Variants in EPHB3 observed in about 807,000 individuals in gnomAD.
EPHB3 encodes ephrin type-B receptor 3.
EPHB3 carries 33 observed loss-of-function variants against 100.2 expected under a neutral mutation model. That is an observed-to-expected ratio of 0.33 (90% CI 0.25 to 0.44). The LOEUF (loss-of-function observed/expected upper bound fraction) is 0.44, where lower values mean the gene tolerates loss of function less well. EPHB3 is among the 20% of genes least tolerant of loss of function. EPHB3 has a pLI of 1.00. For missense variants in EPHB3, 1,045 were observed against 1,378.3 expected, an observed-to-expected ratio of 0.76 and a Z score of 3.83; for synonymous variants, 526 against 554.7, an observed-to-expected ratio of 0.95 and a Z score of 0.73.
At chr3:184,568,599 C>CT (rs1404738884) in intron 1 of EPHB3, among the ~76,000 whole-genome samples, 2 of 150,826 alleles carry the variant, frequency 1.3e-5, no homozygotes, top group African/African-American at 4.9e-5. Flanking sequence ...ATGACCCCCC[C>CT]CCCACATCCC....
intron 1 of EPHB3, among the ~76,000 whole-genome samples, chr3:184,567,678 G>A (rs755433926): frequency 6.6e-5 from 10 of 152,278 alleles, no homozygotes; most frequent in Middle Eastern, 3.4e-3. Flanking sequence ...AAAGCATGTC[G>A]CCAAGTCTAT....
intron 1 of EPHB3, among the ~76,000 whole-genome samples, chr3:184,570,335 C>T (rs1714508422): frequency 6.6e-6 from 1 of 152,232 alleles, no homozygotes; most frequent in South Asian, 2.1e-4. Context: ...GTCAGATACA[C>T]CTGAACCTGA....
At position 184,575,870 on chromosome 3, in the gene EPHB3, G is replaced by T. The variant is rs1405953790; in HGVS notation, c.897G>T (p.Gly299=). 1 of 1,612,880 alleles carries T rather than the reference G, an allele frequency of 6.2e-7. No homozygotes were observed. The highest frequency in any genetic ancestry group is 1.1e-5 in the South Asian group (1 of 90,926). ...PGSYKAKQGE[G]PCLPCPPNSR... is the part of the protein sequence containing the mutation. ...GCTACAAGGCGAAGCAGGGAGAGGGGCCCTGCCTCCCATGTCCCCCCAACA... is the reference window on the plus strand; with the variant it reads ...GCTACAAGGCGAAGCAGGGAGAGGGTCCCTGCCTCCCATGTCCCCCCAACA... The change falls in exon 4 of 16, where the codon GGG becomes GGT. Residue 299 remains glycine (G), a synonymous_variant. Coordinates refer to ENST00000330394, the MANE Select transcript of EPHB3 (RefSeq NM_004443.4).
chr3:184,570,293 T>C (rs1203206746), intron 1 of EPHB3, among the ~76,000 whole-genome samples: 1 of 152,204 alleles, frequency 6.6e-6, no homozygotes, highest in African/African-American at 2.4e-5. Context: ...GAGGGGCATA[T>C]TGCAGTCAGA....
At chr3:184,566,271 A>C (rs4543001) in intron 1 of EPHB3, among the ~76,000 whole-genome samples, 1 of 152,104 alleles carries the variant, frequency 6.6e-6, no homozygotes, top group Non-Finnish European at 1.5e-5. Flanking sequence ...ATGGATGAGC[A>C]CCGAGGCGTT....
Position 184,573,261 on chromosome 3 carries a change from C to T in EPHB3, c.856+85C>T. ...CCGCCCCGCCCCCCACCCCTGCTTG[C>T]TATCTGACTAGGAGGTCTGGGAGCA... On this transcript the variant is annotated intron_variant, in intron 3 of 15. Coordinates refer to ENST00000330394, the MANE Select transcript of EPHB3 (RefSeq NM_004443.4). The surrounding 1 kb of genome is among the most constrained non-coding windows in gnomAD (Gnocchi z 4.5). 6.5e-7 allele frequency: 1 copy of T among 1,539,102 alleles called. No individual in the cohort carries two copies. The highest frequency in any genetic ancestry group is 8.8e-7 in the Non-Finnish European group (1 of 1,140,050).
In EPHB3 at chr3:184,572,756, TC is replaced by T. The variant is rs753303163; in HGVS notation, c.441del (p.Phe148SerfsTer8). On this transcript the variant is annotated frameshift_variant, in exon 3 of 16. Coordinates refer to ENST00000330394, the MANE Select transcript of EPHB3 (RefSeq NM_004443.4). LOFTEE classifies it high-confidence loss of function. The surrounding 1 kb of genome is among the most constrained non-coding windows in gnomAD (Gnocchi z 6.6). ...TGACAGCGATGTGGCCTCAGCCTCC[TC>T]CCCCTTCTGGATGGAGAACCCCTAC... ...EADSDVASAS[S>X]PFWMENPYVK... The T allele has an allele frequency of 6.2e-7, 1 of 1,611,914 alleles. No homozygotes were observed. Among genetic ancestry groups the T allele is most frequent in the Non-Finnish European group, 8.5e-7 (1 of 1,179,414 alleles).
Position 184,579,476 on chromosome 3 carries a change from G to T in EPHB3, c.1802-1G>T. 1 of 1,613,140 alleles carries T rather than the reference G, an allele frequency of 6.2e-7. No homozygotes were observed. Among genetic ancestry groups the T allele is most frequent in the Non-Finnish European group, 8.5e-7 (1 of 1,179,218 alleles). ...CTCACGCCCACCTCTTCTCCCTCCA[G>T]TTGCTCCTGGAATGAAGGTTTATAT... is the stretch of plus-strand genomic sequence containing the variant. On this transcript the variant is annotated splice_acceptor_variant, in intron 9 of 15. Transcript: ENST00000330394. LOFTEE classifies it high-confidence loss of function. This position sits in a 1 kb window ranked among gnomAD's most constrained non-coding sequence, Gnocchi z 5.2.
Position 184,573,176 on chromosome 3 carries a change from C to G in EPHB3, c.856C>G (p.Pro286Ala). 1.9e-6 allele frequency: 3 copies of G among 1,611,302 alleles called. No individual in the cohort carries two copies. Among genetic ancestry groups the G allele is most frequent in the African/African-American group, 2.7e-5 (2 of 75,062 alleles). The part of the protein sequence containing the change: ...EPAAKESQCR[P>A]CPPGSYKAKQ... Reference sequence around the variant, plus strand: ...AGCTGCCAAGGAGTCCCAGTGCCGCCGTGAGTGGGGACTGTCCTGGGGAAA... The same window carrying G: ...AGCTGCCAAGGAGTCCCAGTGCCGCGGTGAGTGGGGACTGTCCTGGGGAAA... The change falls in exon 3 of 16, where the codon CCC becomes GCC. Residue 286 changes from proline (P) to alanine (A), a missense_variant and splice_region_variant. By Grantham distance (27) the Pro-to-Ala change is conservative (BLOSUM62 -1). Transcript: ENST00000330394. The surrounding 1 kb of genome is among the most constrained non-coding windows in gnomAD (Gnocchi z 4.5).
At position 184,562,333 on chromosome 3, in the gene EPHB3, C is replaced by T; in HGVS notation, c.98C>T (p.Ala33Val). The T allele has an allele frequency of 8.0e-7, 1 of 1,242,366 alleles. No individual in the cohort carries two copies. Among genetic ancestry groups the T allele is most frequent in the Non-Finnish European group, 1.0e-6 (1 of 993,938 alleles). The allele number at this position is 1,242,366 out of a possible 1,614,324, so 77.0% of individuals were successfully genotyped here. A position where few individuals can be genotyped will look rare whatever the true frequency, so the allele number is the denominator to read the frequency against. ...LLLLPLLLLP[A>V]GCRALEETLM... ...CTGCTGCCGCTGCTGCTGCTGCCCG[C>T]CGGCTGCCGGGCGCTGGAAGGTGAG... The change falls in exon 1 of 16, where the codon GCC (alanine) becomes GTC (valine). Residue 33 changes from alanine (A) to valine (V), a missense_variant. Coordinates refer to ENST00000330394, the MANE Select transcript of EPHB3 (RefSeq NM_004443.4). This position sits in a 1 kb window ranked among gnomAD's most constrained non-coding sequence, Gnocchi z 4.8.
intron 4 of EPHB3, 55 bp downstream of exon 4, chr3:184,576,040 A>G: frequency 6.5e-7 from 1 of 1,535,818 alleles, no homozygotes; most frequent in Non-Finnish European, 8.8e-7. Context: ...CTGGGGGGCC[A>G]GCCTGGGAAG....
At position 184,565,278 on chromosome 3, in the gene EPHB3, A is replaced by AG. The variant is rs1714357765; in HGVS notation, c.118+2925_118+2926insG. Among the ~76,000 whole-genome samples, 1 of 152,012 alleles carries AG rather than the reference A, an allele frequency of 6.6e-6. No homozygotes were observed. Among genetic ancestry groups the AG allele is most frequent in the African/African-American group, 2.4e-5 (1 of 41,378 alleles). ...GGGAAACAGGGCCACCTTGTCACCCACTGGTCTTTTGAGTAATGTTCCCCA... is the reference window on the plus strand; with the variant it reads ...GGGAAACAGGGCCACCTTGTCACCCAGCTGGTCTTTTGAGTAATGTTCCCCA... On this transcript the variant is annotated intron_variant, in intron 1 of 15. Coordinates refer to ENST00000330394, the MANE Select transcript of EPHB3 (RefSeq NM_004443.4). This position sits in a 1 kb window ranked among gnomAD's most constrained non-coding sequence, Gnocchi z 4.8.
At position 184,578,283 on chromosome 3, in the gene EPHB3, A is replaced by G; in HGVS notation, c.1749-131A>G. On this transcript the variant is annotated intron_variant, in intron 8 of 15. Transcript: ENST00000330394. The surrounding 1 kb of genome is among the most constrained non-coding windows in gnomAD (Gnocchi z 4.7). ...CAGACACCCAGAGACTGCTGTGACC[A>G]CCAATTGTGGGACTAGGCCCCAGGC... The G allele has an allele frequency of 7.4e-7, 1 of 1,344,636 alleles. No homozygotes were observed. Among genetic ancestry groups the G allele is most frequent in the African/African-American group, 1.4e-5 (1 of 69,694 alleles). The allele number at this position is 1,344,636 out of a possible 1,614,324, so 83.3% of individuals were successfully genotyped here. A position where few individuals can be genotyped will look rare whatever the true frequency, so the allele number is the denominator to read the frequency against.
In EPHB3 at chr3:184,579,953, G is replaced by A; in HGVS notation, c.2172+19G>A. On this transcript the variant is annotated intron_variant, in intron 11 of 15. Transcript: ENST00000330394. The surrounding 1 kb of genome is among the most constrained non-coding windows in gnomAD (Gnocchi z 5.2). Reference sequence around the variant, plus strand: ...CCTCCGGGTAAGAGCCAGCCCCCAGGCCCTCTCCCTCCCCCAGAGAGTTGG... The same window carrying A: ...CCTCCGGGTAAGAGCCAGCCCCCAGACCCTCTCCCTCCCCCAGAGAGTTGG... The A allele has an allele frequency of 6.2e-7, 1 of 1,606,910 alleles. No individual in the cohort carries two copies. The highest frequency in any genetic ancestry group is 8.5e-7 in the Non-Finnish European group (1 of 1,176,604).
intron 1 of EPHB3, among the ~76,000 whole-genome samples, chr3:184,568,587 C>A: frequency 6.9e-6 from 1 of 144,284 alleles, no homozygotes. Context: ...CAGATGGGTT[C>A]TATGACCCCC....
chr3:184,581,891 G>A lies in EPHB3; in HGVS notation c.*269G>A, dbSNP rs531131335. 1.5e-5 allele frequency: 6 copies of A among 406,756 alleles called. No homozygotes were observed. The highest frequency in any genetic ancestry group is 2.6e-5 in the Non-Finnish European group (6 of 229,344). The allele number at this position is 406,756 out of a possible 1,614,324, so 25.2% of individuals were successfully genotyped here. ...GCCCAGACCTTCCTGCTCTCCAGCA[G>A]GGGATCCCCACAACCTCACACTTGT... On this transcript the variant is annotated 3_prime_UTR_variant, in exon 16 of 16. Coordinates refer to ENST00000330394, the MANE Select transcript of EPHB3 (RefSeq NM_004443.4).
intron 13 of EPHB3, 26 bp downstream of exon 13, chr3:184,580,904 TG>T: frequency 1.2e-6 from 2 of 1,608,476 alleles, no homozygotes; most frequent in Non-Finnish European, 1.7e-6. Flanking sequence ...CCAGAGTGGT[TG>T]GGTAGGTGGG....
Position 184,578,196 on chromosome 3 carries a change from T to C in EPHB3, c.1748+190T>C. ...GTGTCTTCATCCCGCCCTTTCTCCATACCCCATTCCCTGAATCTCCGGGCA... is the reference window on the plus strand; with the variant it reads ...GTGTCTTCATCCCGCCCTTTCTCCACACCCCATTCCCTGAATCTCCGGGCA... On this transcript the variant is annotated intron_variant, in intron 8 of 15. Coordinates refer to ENST00000330394, the MANE Select transcript of EPHB3 (RefSeq NM_004443.4). The surrounding 1 kb of genome is among the most constrained non-coding windows in gnomAD (Gnocchi z 4.7). 1.2e-6 allele frequency: 1 copy of C among 851,238 alleles called. No individual in the cohort carries two copies. Among genetic ancestry groups the C allele is most frequent in the South Asian group, 1.8e-5 (1 of 56,662 alleles). The allele number at this position is 851,238 out of a possible 1,614,324, so 52.7% of individuals were successfully genotyped here.
chr3:184,568,623 C>T, intron 1 of EPHB3, among the ~76,000 whole-genome samples: 1 of 150,626 alleles, frequency 6.6e-6, no homozygotes, highest in East Asian at 2.0e-4. Flanking sequence ...CACCTCCTGC[C>T]GAAGGCAGGG....
Sources: gnomAD v4.1 joint callset for allele counts (sites outside exome capture counted in the v4.1 genomes callset) on GRCh38, gnomAD v4.1.1 for gene constraint, Gnocchi (gnomAD v3.1) non-coding constraint, MANE v1.5 for transcripts, NCBI Gene and HGNC (gene_info 2026-07-23, HGNC 2026-07-21) for gene names.